RBM47: variants seen among roughly 807,000 people sequenced by gnomAD.
The protein encoded by RBM47 is RNA-binding protein 47.
In RBM47, 21 loss-of-function variants were observed where a neutral mutation model predicts 47.1. The ratio of observed to expected loss-of-function variants is 0.45; its 90% CI spans 0.32 to 0.64. The LOEUF is 0.64. Among genes scored for constraint, RBM47 ranks in the 30% least tolerant of loss-of-function variants. The probability of loss-of-function intolerance (pLI) is 0.05; values close to 1 mark genes in which losing one functional copy is unlikely to be tolerated. For synonymous variants in RBM47, 375 were observed against 361.7 expected, an observed-to-expected ratio of 1.04 and a Z score of -0.42; for missense variants, 708 against 870.9, an observed-to-expected ratio of 0.81 and a Z score of 2.35.
chr4:40,529,637 T>G (rs1011032161), intron 2 of RBM47, among the ~76,000 whole-genome samples: 14 of 149,492 alleles, frequency 9.4e-5, no homozygotes, highest in Non-Finnish European at 1.8e-4. Context: ...GAGACAAGTC[T>G]GGCCAACATG....
chr4:40,439,066 T>G, intron 3 of RBM47, 142 bp from the exon 4 acceptor site: 1 of 710,140 alleles, frequency 1.4e-6, no homozygotes, highest in Non-Finnish European at 2.2e-6. Context: ...GGAGGCGTTC[T>G]GGAAATGCAG....
intron 3 of RBM47, among the ~76,000 whole-genome samples, chr4:40,454,721 C>T (rs987799303): frequency 2.0e-5 from 3 of 152,130 alleles, no homozygotes; most frequent in African/African-American, 7.2e-5. Flanking sequence ...TGGTCTCGAC[C>T]TCCTGACCTC....
chr4:40,599,202 G>C (rs994354431), intron 1 of RBM47, among the ~76,000 whole-genome samples: 5 of 148,246 alleles, frequency 3.4e-5, no homozygotes, highest in Non-Finnish European at 7.5e-5. Context: ...AGGTTGCAGT[G>C]GGCCGAGATC....
chr4:40,493,299 A>G (rs1428161122), intron 2 of RBM47, among the ~76,000 whole-genome samples: 2 of 152,194 alleles, frequency 1.3e-5, no homozygotes, highest in African/African-American at 4.8e-5. Context: ...GATAAAGGCC[A>G]TGACAGGTGG....
rs184185073 is a variant in RBM47, at chr4:40,475,279, T to C, written c.-154-8580A>G. Among the ~76,000 whole-genome samples, 8 of 152,290 alleles carry C rather than the reference T, an allele frequency of 5.3e-5. No homozygotes were observed. In the East Asian group the frequency reaches 1.5e-3, roughly 29 times the overall value. ...TTTCCTTATTTTAATTATCACATCT[T>C]AAAATTATAATTTCCTTCTCTAAAC... On this transcript the variant is annotated intron_variant, in intron 2 of 6. Coordinates refer to ENST00000295971, the MANE Select transcript of RBM47 (RefSeq NM_001098634.2).
chr4:40,572,959 C>G lies in RBM47; in HGVS notation c.-239-28453G>C, dbSNP rs1731878003. On this transcript the variant is annotated intron_variant, in intron 1 of 6. Coordinates refer to ENST00000295971, the MANE Select transcript of RBM47 (RefSeq NM_001098634.2). ...TTGAGGCCAGGAGTTCAAGACTAGC[C>G]TGGCCAAAATGGTGAAACCCTGTCT... 1.3e-5 allele frequency among the ~76,000 whole-genome samples: 2 copies of G among 151,420 alleles called. 1 individual carries two copies. Among genetic ancestry groups the G allele is most frequent in the Admixed American group, 1.3e-4 (2 of 15,192 alleles).
At chr4:40,579,599 A>G (rs1389248297) in intron 1 of RBM47, among the ~76,000 whole-genome samples, 1 of 152,100 alleles carries the variant, frequency 6.6e-6, no homozygotes, top group Non-Finnish European at 1.5e-5. Context: ...GGGAGATGAT[A>G]TGAAGAAAAT....
intron 3 of RBM47, among the ~76,000 whole-genome samples, chr4:40,439,262 C>T (rs960106704): frequency 6.6e-6 from 1 of 152,210 alleles, no homozygotes; most frequent in Non-Finnish European, 1.5e-5. Flanking sequence ...TTCATTCCTG[C>T]ACCGTTAACT....
At chr4:40,475,188 C>A (rs1489007163) in intron 2 of RBM47, among the ~76,000 whole-genome samples, 1 of 152,156 alleles carries the variant, frequency 6.6e-6, no homozygotes, top group Non-Finnish European at 1.5e-5. Flanking sequence ...GAACTTTACT[C>A]TGAGAGGAAA....
Position 40,479,241 on chromosome 4 carries a change from T to C in RBM47, c.-154-12542A>G, listed in dbSNP as rs146227833. The stretch of plus-strand genomic sequence containing the variant: ...AGAAGGAAGAATTAAACAATGGACA[T>C]TGTCATATCTGAAATGAGTGTTCCT... On this transcript the variant is annotated intron_variant, in intron 2 of 6. Coordinates refer to ENST00000295971, the MANE Select transcript of RBM47 (RefSeq NM_001098634.2). Among the ~76,000 whole-genome samples the C allele has an allele frequency of 5.3e-5, 8 of 152,342 alleles. No homozygotes were observed. In the East Asian group the frequency reaches 1.5e-3, roughly 29 times the overall value.
chr4:40,468,750 C>T lies in RBM47; in HGVS notation c.-154-2051G>A, dbSNP rs149966604. 4.5e-3 allele frequency among the ~76,000 whole-genome samples: 686 copies of T among 152,258 alleles called. 36 individuals carry two copies. The highest frequency in any genetic ancestry group is 0.041 in the Admixed American group (625 of 15,284). On this transcript the variant is annotated intron_variant, in intron 2 of 6. Transcript: ENST00000295971. ...ATCTCCTGAAAGAAAAAAAGCCACA[C>T]CCTCAAATAAATTACAGAGCAATAG...
chr4:40,583,392 A>G (rs939078268), intron 1 of RBM47, among the ~76,000 whole-genome samples: 5,872 of 38,232 alleles, frequency 0.15, 381 homozygotes, highest in African/African-American at 0.18. Context: ...ATCTCAGAAA[A>G]AAAAAAAAAA....
At chr4:40,554,196 T>A (rs543820667) in intron 1 of RBM47, among the ~76,000 whole-genome samples, 1 of 152,228 alleles carries the variant, frequency 6.6e-6, no homozygotes, top group South Asian at 2.1e-4. Context: ...CTCTCATTAC[T>A]GTCCCAATGA....
intron 2 of RBM47, among the ~76,000 whole-genome samples, chr4:40,487,892 T>C (rs1721323988): frequency 6.6e-6 from 1 of 152,154 alleles, no homozygotes; most frequent in Admixed American, 6.5e-5. Flanking sequence ...CCCCTATGTA[T>C]AGCCTAGTAT....
intron 2 of RBM47, among the ~76,000 whole-genome samples, chr4:40,524,708 C>A (rs1004168872): frequency 6.6e-6 from 1 of 152,172 alleles, no homozygotes; most frequent in Non-Finnish European, 1.5e-5. Context: ...GCAGCCTTGA[C>A]CTCCTGGGCT....
chr4:40,480,198 G>A (rs1478963410), intron 2 of RBM47, among the ~76,000 whole-genome samples: 4 of 151,890 alleles, frequency 2.6e-5, no homozygotes, highest in Non-Finnish European at 4.4e-5. Context: ...GGCTGGTCTC[G>A]AACTCCTGAC....
intron 2 of RBM47, among the ~76,000 whole-genome samples, chr4:40,470,633 T>C (rs1321682625): frequency 6.6e-6 from 1 of 152,218 alleles, no homozygotes; most frequent in African/African-American, 2.4e-5. Context: ...TAATATCAAG[T>C]CATGTCCTGT....
At chr4:40,461,780 C>T (rs907320515) in intron 3 of RBM47, among the ~76,000 whole-genome samples, 2 of 151,956 alleles carry the variant, frequency 1.3e-5, no homozygotes, top group Non-Finnish European at 2.9e-5. Flanking sequence ...AACAGAAATA[C>T]AAAAATTAGT....
chr4:40,493,712 C>T (rs1033133327), intron 2 of RBM47, among the ~76,000 whole-genome samples: 2 of 148,092 alleles, frequency 1.4e-5, no homozygotes, highest in African/African-American at 2.5e-5. Flanking sequence ...ACCTGGGAGG[C>T]GGAGGTTGCA....
Sources: allele counts gnomAD v4.1 joint callset (sites outside exome capture counted in the v4.1 genomes callset), GRCh38; gene constraint gnomAD v4.1.1; transcripts MANE v1.5; gene names NCBI Gene and HGNC (gene_info 2026-07-23, HGNC 2026-07-21).